GNB4: variants seen among roughly 807,000 people sequenced by gnomAD.
GNB4 encodes the protein G protein subunit beta 4, also known as guanine nucleotide-binding protein subunit beta-4.
In GNB4, 28 loss-of-function variants were observed where a neutral mutation model predicts 45.2. The observed-to-expected ratio is 0.62, with a 90% CI of 0.46 to 0.85. The LOEUF is 0.85. Among genes scored for constraint, GNB4 ranks in the 40% least tolerant of loss-of-function variants. The pLI is 0.00. For missense variants in GNB4, 321 were observed against 425.4 expected, an observed-to-expected ratio of 0.75 and a Z score of 2.16; for synonymous variants, 132 against 143.7, an observed-to-expected ratio of 0.92 and a Z score of 0.58.
chr3:179,500,631 T>G, the GNB4 span, among the ~76,000 whole-genome samples: 1,431 of 152,296 alleles, frequency 9.4e-3, 11 homozygotes, highest in Non-Finnish European at 0.015. Context: ...AAGTCAAGGA[T>G]AGCTTGATGG....
the GNB4 span, among the ~76,000 whole-genome samples, chr3:179,491,991 T>A: frequency 6.6e-6 from 1 of 152,186 alleles, no homozygotes; most frequent in Non-Finnish European, 1.5e-5. Context: ...TACACTCTAA[T>A]TAAAATAGTT....
intron 6 of GNB4, among the ~76,000 whole-genome samples, chr3:179,414,634 A>T (rs1479044217): frequency 6.6e-6 from 1 of 152,218 alleles, no homozygotes; most frequent in Non-Finnish European, 1.5e-5. Context: ...TTTATTTTTC[A>T]TGAGTTTGAA....
At chr3:179,402,483 T>C (rs1714331970) in intron 9 of GNB4, among the ~76,000 whole-genome samples, 1 of 152,192 alleles carries the variant, frequency 6.6e-6, no homozygotes, top group African/African-American at 2.4e-5. Context: ...TGCAGTCTCT[T>C]GAAAGAGGTT....
At chr3:179,418,230 G>A (rs1380085014) in intron 4 of GNB4, among the ~76,000 whole-genome samples, 2 of 152,062 alleles carry the variant, frequency 1.3e-5, no homozygotes, top group Admixed American at 1.3e-4. Flanking sequence ...AGCACTTTGG[G>A]AGGCTGAGGC....
At chr3:179,453,411 C>G (rs1373493230), upstream of GNB4, among the ~76,000 whole-genome samples, 1 of 152,204 alleles carries the variant, frequency 6.6e-6, no homozygotes, top group Non-Finnish European at 1.5e-5. Flanking sequence ...CGTGAGCCAC[C>G]GATCCCGGCC....
At chr3:179,441,621 C>T (rs553609489) in intron 1 of GNB4, among the ~76,000 whole-genome samples, 6 of 151,488 alleles carry the variant, frequency 4.0e-5, no homozygotes, top group South Asian at 2.1e-4. Context: ...GCTGGGTGGC[C>T]GGCGCCTGTA....
intron 4 of GNB4, 64 bp downstream of exon 4, chr3:179,419,335 G>A (rs1327209188): frequency 3.9e-6 from 4 of 1,012,812 alleles, no homozygotes; most frequent in African/African-American, 1.6e-5. Flanking sequence ...AAATGCAAAT[G>A]ATGGTTCTTA....
At chr3:179,466,475 A>T in the GNB4 span, among the ~76,000 whole-genome samples, 2 of 152,138 alleles carry the variant, frequency 1.3e-5, no homozygotes, top group Non-Finnish European at 2.9e-5. Context: ...AGTTGAATTG[A>T]CCTACCTCCC....
chr3:179,434,651 G>A (rs546251559), intron 1 of GNB4, among the ~76,000 whole-genome samples: 5 of 151,826 alleles, frequency 3.3e-5, no homozygotes, highest in Non-Finnish European at 7.4e-5. Flanking sequence ...AACCTCGGAG[G>A]CAGAGGTTGC....
rs193079737 is a variant in GNB4 at position 179,409,658 on chromosome 3, A to G, written c.699+3754T>C. ...AACCCCTTCTCTACTAAAAATTCAA[A>G]AATTAGCTGGGCGTGGTGGTGTGCG... On this transcript the variant is annotated intron_variant, in intron 8 of 9. Coordinates refer to ENST00000232564, the MANE Select transcript of GNB4 (RefSeq NM_021629.4). Among the ~76,000 whole-genome samples, 78 of 151,902 alleles carry G rather than the reference A, an allele frequency of 5.1e-4. 1 individual carries two copies. In the East Asian group the frequency reaches 7.0e-3, roughly 14 times the overall value.
the GNB4 span, among the ~76,000 whole-genome samples, chr3:179,460,365 T>A: frequency 2.0e-4 from 30 of 152,364 alleles, no homozygotes; most frequent in Middle Eastern, 3.4e-3. Context: ...AACTAACATT[T>A]ACATTATTAG....
At chr3:179,518,282 G>T in the GNB4 span, among the ~76,000 whole-genome samples, 1 of 152,102 alleles carries the variant, frequency 6.6e-6, no homozygotes, top group East Asian at 1.9e-4. Context: ...CATGCTACAA[G>T]ATCTAAATAA....
chr3:179,467,473 GGC>G, the GNB4 span, among the ~76,000 whole-genome samples: 1 of 152,128 alleles, frequency 6.6e-6, no homozygotes, highest in South Asian at 2.1e-4. Flanking sequence ...CTATGGACCA[GGC>G]ACTACACTAG....
chr3:179,511,676 T>C, the GNB4 span, among the ~76,000 whole-genome samples: 2 of 152,104 alleles, frequency 1.3e-5, no homozygotes, highest in Non-Finnish European at 2.9e-5. Flanking sequence ...GATTAAATGA[T>C]GTTAATAAGC....
chr3:179,481,302 G>A, the GNB4 span, among the ~76,000 whole-genome samples: 13 of 151,986 alleles, frequency 8.6e-5, no homozygotes, highest in South Asian at 8.3e-4. Flanking sequence ...GCTAATGAGC[G>A]CCTGGCAAAG....
the GNB4 span, among the ~76,000 whole-genome samples, chr3:179,492,270 G>T: frequency 3.1e-3 from 470 of 152,272 alleles, 2 homozygotes; most frequent in African/African-American, 0.01. Flanking sequence ...ACTTGATCAA[G>T]CTGCCCAAAG....
chr3:179,436,171 G>C (rs1389416754), intron 1 of GNB4, among the ~76,000 whole-genome samples: 2 of 152,216 alleles, frequency 1.3e-5, no homozygotes, highest in African/African-American at 4.8e-5. Context: ...GGCCAAGGCA[G>C]GTAGATCGCC....
the GNB4 span, among the ~76,000 whole-genome samples, chr3:179,523,968 T>C: frequency 6.6e-6 from 1 of 152,162 alleles, no homozygotes; most frequent in African/African-American, 2.4e-5. Context: ...TTGTCCAAGT[T>C]GGCATCAGAG....
rs146618295 is a variant in GNB4 at position 179,414,947 on chromosome 3, A to G, written c.368T>C (p.Ile123Thr). ...ACGGLDNICS[I>T]YNLKTREGNV... The stretch of plus-strand genomic sequence containing the variant: ...TCCCTCTCTGGTCTTTAAGTTATAT[A>G]TAGAGCAGATGTTGTCCAAGCCTCC... Residue 123 changes from isoleucine to threonine, a missense_variant, in exon 6 of 10, where the codon ATA (isoleucine) becomes ACA (threonine). By Grantham distance (89) the Ile-to-Thr change is moderately conservative (BLOSUM62 -1). Coordinates refer to ENST00000232564, the MANE Select transcript of GNB4 (RefSeq NM_021629.4). The G allele has an allele frequency of 3.7e-6, 6 of 1,611,858 alleles. No individual in the cohort carries two copies. The highest frequency in any genetic ancestry group is 2.2e-5 in the East Asian group (1 of 44,862).
Sources: gnomAD v4.1 joint callset for allele counts (sites outside exome capture counted in the v4.1 genomes callset) on GRCh38, gnomAD v4.1.1 for gene constraint, MANE v1.5 for transcripts, NCBI Gene and HGNC (gene_info 2026-07-23, HGNC 2026-07-21) for gene names.